The following PLA2G4E variants were observed in gnomAD, a reference collection of about 807,000 sequenced individuals.
The protein encoded by PLA2G4E is phospholipase A2 group IVE, also known as cytosolic phospholipase A2 epsilon.
PLA2G4E carries 84 observed loss-of-function variants against 109.1 expected under a neutral mutation model. The observed-to-expected ratio is 0.77, with a 90% CI of 0.65 to 0.92. PLA2G4E has a LOEUF of 0.92. Ranked by LOEUF, PLA2G4E falls within the 40% of genes least tolerant of loss-of-function variation. The probability of loss-of-function intolerance (pLI) is 0.00; values close to 1 mark genes in which losing one functional copy is unlikely to be tolerated. For missense variants in PLA2G4E, 1,057 were observed against 1,076.6 expected, an observed-to-expected ratio of 0.98 and a Z score of 0.25; for synonymous variants, 469 against 436.1, an observed-to-expected ratio of 1.08 and a Z score of -0.94.
chr15:42,047,517 G>A (rs1267639791), intron 1 of PLA2G4E, among the ~76,000 whole-genome samples: 12 of 152,196 alleles, frequency 7.9e-5, no homozygotes, highest in Admixed American at 7.2e-4. Context: ...CCTCCCAAAT[G>A]TCCCACCTCT....
At chr15:41,991,761 G>A (rs1372447595) in intron 13 of PLA2G4E, among the ~76,000 whole-genome samples, 3 of 152,170 alleles carry the variant, frequency 2.0e-5, no homozygotes, top group Non-Finnish European at 2.9e-5. Flanking sequence ...TGACTTTCTG[G>A]CAAGTTCTGA....
intron 2 of PLA2G4E, among the ~76,000 whole-genome samples, chr15:42,012,251 G>A (rs1243200021): frequency 6.6e-6 from 1 of 152,122 alleles, no homozygotes; most frequent in Non-Finnish European, 1.5e-5. Context: ...TGCATACAAG[G>A]CCTCAGGAAG....
intron 1 of PLA2G4E, among the ~76,000 whole-genome samples, chr15:42,048,678 C>T (rs981780645): frequency 2.0e-5 from 3 of 152,110 alleles, no homozygotes; most frequent in Non-Finnish European, 2.9e-5. Flanking sequence ...CTTCATATGC[C>T]GCAGGCACTG....
intron 1 of PLA2G4E, among the ~76,000 whole-genome samples, chr15:42,042,128 T>C (rs1889325881): frequency 6.6e-6 from 1 of 152,224 alleles, no homozygotes; most frequent in Admixed American, 6.5e-5. Flanking sequence ...GGAAACAACC[T>C]AGATGATATG....
intron 8 of PLA2G4E, 32 bp from the exon 9 acceptor site, chr15:42,000,032 C>A: frequency 6.3e-7 from 1 of 1,588,042 alleles, no homozygotes; most frequent in Non-Finnish European, 8.6e-7. Context: ...GTGAGAGGGG[C>A]TGGGGAGCTC....
Position 42,000,004 on chromosome 15 carries a change from G to A in PLA2G4E, c.853-4C>T. 1 of 1,605,024 alleles carries A rather than the reference G, an allele frequency of 6.2e-7. No homozygotes were observed. The highest frequency in any genetic ancestry group is 8.5e-7 in the Non-Finnish European group (1 of 1,176,104). Reference sequence around the variant, plus strand: ...TCTTGCGAGAGCGGCAGCAAAGCTGGAGGGATGGGTGGGTTCTGTGAGAGG... The same window carrying A: ...TCTTGCGAGAGCGGCAGCAAAGCTGAAGGGATGGGTGGGTTCTGTGAGAGG... On this transcript the variant is annotated splice_region_variant and splice_polypyrimidine_tract_variant and intron_variant, in intron 8 of 19. Transcript: ENST00000399518.
At chr15:42,035,411 G>T (rs1465968238) in intron 1 of PLA2G4E, among the ~76,000 whole-genome samples, 1 of 152,214 alleles carries the variant, frequency 6.6e-6, no homozygotes. Context: ...GATGAAAAGC[G>T]TTGGTTATTG....
exon 20 of PLA2G4E, chr15:41,983,588 T>C: frequency 1.6e-6 from 1 of 627,886 alleles, no homozygotes; most frequent in Non-Finnish European, 2.7e-6. Context: ...TTTCTGACTT[T>C]CTCAACTTTT....
At chr15:41,994,105 C>G (rs2068297761) in intron 12 of PLA2G4E, among the ~76,000 whole-genome samples, 1 of 152,226 alleles carries the variant, frequency 6.6e-6, no homozygotes, top group Non-Finnish European at 1.5e-5. Context: ...GGACTAGGTT[C>G]AAATTCTACT....
At chr15:42,036,191 G>A (rs903064164) in intron 1 of PLA2G4E, among the ~76,000 whole-genome samples, 3 of 152,200 alleles carry the variant, frequency 2.0e-5, no homozygotes, top group Non-Finnish European at 2.9e-5. Flanking sequence ...CAGCAGGGAG[G>A]GTGCGGGGAG....
intron 1 of PLA2G4E, among the ~76,000 whole-genome samples, chr15:42,036,528 T>C (rs983664115): frequency 6.6e-6 from 1 of 152,002 alleles, no homozygotes; most frequent in Non-Finnish European, 1.5e-5. Context: ...TGCTCGGCGC[T>C]GCTCAGGGCC....
intron 7 of PLA2G4E, among the ~76,000 whole-genome samples, chr15:42,000,587 A>G (rs1027210477): frequency 3.9e-5 from 6 of 152,206 alleles, no homozygotes; most frequent in Non-Finnish European, 7.3e-5. Flanking sequence ...TAACCTGCCC[A>G]CTGTAGAGGA....
In PLA2G4E at chr15:42,028,399, A is replaced by C. The variant is rs112447042; in HGVS notation, c.184-14642T>G. On this transcript the variant is annotated intron_variant, in intron 1 of 19. Transcript: ENST00000399518. The stretch of plus-strand genomic sequence containing the variant: ...TATTTATTTACTTATTTATTTATTT[A>C]TTTATTTATTTATTTATTATTTTTT... Among the ~76,000 whole-genome samples, 5 of 147,990 alleles carry C rather than the reference A, an allele frequency of 3.4e-5. No individual in the cohort carries two copies. The East Asian group carries it at 5.8e-4, about 17-fold the overall frequency.
chr15:41,992,897 A>G (rs1445182860), exon 13 of PLA2G4E: 1 of 1,614,004 alleles, frequency 6.2e-7, no homozygotes, highest in Non-Finnish European at 8.5e-7. Flanking sequence ...CCGAGCCTCA[A>G]AGATAGCAGG....
intron 1 of PLA2G4E, among the ~76,000 whole-genome samples, chr15:42,019,733 A>C (rs2068630085): frequency 6.6e-6 from 1 of 152,178 alleles, no homozygotes; most frequent in African/African-American, 2.4e-5. Context: ...AACATCCCAG[A>C]CTAAGAGTCA....
intron 3 of PLA2G4E, chr15:42,006,356 C>A (rs2068476908): frequency 2.4e-6 from 1 of 411,852 alleles, no homozygotes. Context: ...TCTCACTTTC[C>A]TGCTAGAGAA....
At chr15:42,002,516 G>C (rs962166732) in intron 6 of PLA2G4E, 138 bp downstream of exon 6, 5 of 983,808 alleles carry the variant, frequency 5.1e-6, no homozygotes, top group South Asian at 3.0e-5. Context: ...GGCTGGCCTC[G>C]TTTAGTCTAA....
rs756019851 is a variant in PLA2G4E at position 42,000,100 on chromosome 15, G to C, written c.852+4C>G. 2 of 1,582,504 alleles carry C rather than the reference G, an allele frequency of 1.3e-6. No homozygotes were observed. Among genetic ancestry groups the C allele is most frequent in the African/African-American group, 1.3e-5 (1 of 74,164 alleles). ...CACCTCCCCCAGTGTCAGCCGCCTT[G>C]TACCCCACAGCTCCAGTGACTCTTG... is the stretch of plus-strand genomic sequence containing the variant. On this transcript the variant is annotated splice_donor_region_variant and intron_variant, in intron 8 of 19. Coordinates refer to ENST00000399518, the Ensembl canonical transcript of PLA2G4E.
chr15:42,014,806 T>G (rs1057416542), intron 1 of PLA2G4E, among the ~76,000 whole-genome samples: 1 of 152,196 alleles, frequency 6.6e-6, no homozygotes, highest in Non-Finnish European at 1.5e-5. Context: ...TTGGCTGGTC[T>G]GCGATGACCT....
Sources: allele counts gnomAD v4.1 joint callset (sites outside exome capture counted in the v4.1 genomes callset), GRCh38; gene constraint gnomAD v4.1.1; transcripts MANE v1.5; gene names NCBI Gene and HGNC (gene_info 2026-07-23, HGNC 2026-07-21).